The following DCDC2 variants were observed in gnomAD, a reference collection of about 807,000 sequenced individuals.
DCDC2 encodes the protein doublecortin domain containing 2.
Under a neutral mutation model 50.2 loss-of-function variants are expected in DCDC2, and 40 were observed. That is an observed-to-expected ratio of 0.80 (90% CI 0.62 to 1.04). DCDC2 has a LOEUF of 1.04. Ranked by LOEUF, DCDC2 falls within the 50% of genes least tolerant of loss-of-function variation. The pLI is 0.00. For synonymous variants in DCDC2, 234 were observed against 210.6 expected, an observed-to-expected ratio of 1.11 and a Z score of -0.96; for missense variants, 570 against 581.9, an observed-to-expected ratio of 0.98 and a Z score of 0.21.
At chr6:24,240,083 T>C (rs1762533546) in intron 7 of DCDC2, among the ~76,000 whole-genome samples, 1 of 152,212 alleles carries the variant, frequency 6.6e-6, no homozygotes, top group Non-Finnish European at 1.5e-5. Flanking sequence ...AAAATATATA[T>C]TAAACTCACA....
chr6:24,223,710 G>C (rs940764354), intron 7 of DCDC2, among the ~76,000 whole-genome samples: 1 of 152,174 alleles, frequency 6.6e-6, no homozygotes, highest in Non-Finnish European at 1.5e-5. Flanking sequence ...AATGGCATTG[G>C]ATAAGGATCA....
chr6:24,315,244 G>A lies in DCDC2; in HGVS notation c.349-13200C>T, dbSNP rs111976078. Among the ~76,000 whole-genome samples the A allele has an allele frequency of 2.5e-3, 375 of 150,638 alleles. 4 individuals carry two copies. The highest frequency in any genetic ancestry group is 8.0e-3 in the African/African-American group (326 of 40,962). The stretch of plus-strand genomic sequence containing the variant: ...ATGCATGTTTCTGTAGCTCCTTAGC[G>A]AAGCACTTACACCTTAAGGAACCTC... On this transcript the variant is annotated intron_variant, in intron 2 of 9. Transcript: ENST00000378454.
intron 2 of DCDC2, among the ~76,000 whole-genome samples, chr6:24,302,441 A>G (rs983641244): frequency 2.0e-5 from 3 of 151,966 alleles, no homozygotes; most frequent in African/African-American, 7.3e-5. Flanking sequence ...GTGTTCCATC[A>G]TCTTTCCTTT....
At chr6:24,359,868 T>C (rs1760634069), upstream of DCDC2, among the ~76,000 whole-genome samples, 1 of 151,964 alleles carries the variant, frequency 6.6e-6, no homozygotes, top group Non-Finnish European at 1.5e-5. Flanking sequence ...GCGGCGAAGC[T>C]CGGGTGCGCA....
chr6:24,360,497 A>G (rs1197513703), upstream of DCDC2, among the ~76,000 whole-genome samples: 1 of 152,208 alleles, frequency 6.6e-6, no homozygotes, highest in Non-Finnish European at 1.5e-5. Flanking sequence ...AAGAGCCCAC[A>G]TCTGTGCTAT....
chr6:24,208,002 A>G (rs890129539), intron 7 of DCDC2, among the ~76,000 whole-genome samples: 1 of 152,122 alleles, frequency 6.6e-6, no homozygotes, highest in Non-Finnish European at 1.5e-5. Flanking sequence ...AGTAACTTCA[A>G]CACCATGTGA....
intron 7 of DCDC2, among the ~76,000 whole-genome samples, chr6:24,231,398 A>C (rs1762333953): frequency 6.6e-6 from 1 of 152,142 alleles, no homozygotes; most frequent in Admixed American, 6.5e-5. Context: ...ACCCATGAAG[A>C]AGGAAAAGGT....
intron 9 of DCDC2, 44 bp downstream of exon 9, chr6:24,178,286 C>T (rs762042617): frequency 3.8e-6 from 6 of 1,558,868 alleles, no homozygotes; most frequent in South Asian, 3.5e-5. Context: ...TACACACACA[C>T]ATATTCATGC....
At chr6:24,340,294 G>A (rs1457242785) in intron 2 of DCDC2, among the ~76,000 whole-genome samples, 1 of 152,058 alleles carries the variant, frequency 6.6e-6, no homozygotes, top group Non-Finnish European at 1.5e-5. Flanking sequence ...AATAGGTGAG[G>A]AAAGTCAAAG....
chr6:24,377,616 C>A, the DCDC2 span, among the ~76,000 whole-genome samples: 4 of 152,284 alleles, frequency 2.6e-5, no homozygotes, highest in South Asian at 8.3e-4. Flanking sequence ...TAAGCTGTAT[C>A]ACCAATAGAA....
intron 7 of DCDC2, among the ~76,000 whole-genome samples, chr6:24,215,763 C>G (rs1761959662): frequency 6.6e-6 from 1 of 152,186 alleles, no homozygotes. Context: ...CAGCACCACT[C>G]CCGGCTGAGG....
chr6:24,200,331 C>G (rs1761556592), intron 8 of DCDC2, among the ~76,000 whole-genome samples: 1 of 152,164 alleles, frequency 6.6e-6, no homozygotes, highest in African/African-American at 2.4e-5. Flanking sequence ...ACCCTACAAG[C>G]CAGAAGAGTG....
chr6:24,333,101 T>G (rs1261923548), intron 2 of DCDC2, among the ~76,000 whole-genome samples: 1 of 152,054 alleles, frequency 6.6e-6, no homozygotes, highest in Non-Finnish European at 1.5e-5. Context: ...AAAAGAAGAA[T>G]GAGGGAGAAT....
intron 2 of DCDC2, among the ~76,000 whole-genome samples, chr6:24,317,796 TA>T (rs145124008): frequency 3.7e-4 from 55 of 147,266 alleles, no homozygotes; most frequent in South Asian, 8.5e-4. Flanking sequence ...TTTATACAAA[TA>T]AAAAAAAAAC....
chr6:24,276,569 A>G (rs1248151311), intron 7 of DCDC2, among the ~76,000 whole-genome samples: 2 of 152,110 alleles, frequency 1.3e-5, no homozygotes, highest in Non-Finnish European at 2.9e-5. Context: ...ATAAGAAAAA[A>G]CTAGTAGGAC....
At chr6:24,381,845 A>AGGAAGGAAGGAG in the DCDC2 span, among the ~76,000 whole-genome samples, 2 of 142,648 alleles carry the variant, frequency 1.4e-5, no homozygotes, top group East Asian at 4.0e-4. Flanking sequence ...GAAGGAAGGA[A>AGGAAGGAAGGAG]GGAAGGAAGG....
intron 7 of DCDC2, among the ~76,000 whole-genome samples, chr6:24,210,588 T>C (rs1434120584): frequency 6.6e-6 from 1 of 152,230 alleles, no homozygotes; most frequent in Non-Finnish European, 1.5e-5. Flanking sequence ...TATTTCTATC[T>C]CCACTCCCAA....
rs1246996420 is a variant in DCDC2, at chr6:24,220,891, TGAGC to T, written c.923-15793_923-15790del. 9.1e-5 allele frequency among the ~76,000 whole-genome samples: 9 copies of T among 98,948 alleles called. 1 individual carries two copies. Among genetic ancestry groups the T allele is most frequent in the African/African-American group, 2.7e-4 (7 of 25,864 alleles). The allele number at this position is 98,948 out of a possible 152,430, so 64.9% of individuals were successfully genotyped here. On this transcript the variant is annotated intron_variant, in intron 7 of 9. Transcript: ENST00000378454. ...GAGCAAGAGAGCGAGAGCGAGAGAGTGAGCGAGCGAGCGAGAGAGTGAGCGAGCG... is the reference window on the plus strand; with the variant it reads ...GAGCAAGAGAGCGAGAGCGAGAGAGTGAGCGAGCGAGAGAGTGAGCGAGCG...
intron 7 of DCDC2, among the ~76,000 whole-genome samples, chr6:24,275,550 A>C (rs759603226): frequency 2.2e-4 from 33 of 152,168 alleles, no homozygotes; most frequent in Non-Finnish European, 4.4e-4. Context: ...AGGAAAAAAA[A>C]ATTCATTCCC....
Sources: gnomAD v4.1 joint callset for allele counts (sites outside exome capture counted in the v4.1 genomes callset) on GRCh38, gnomAD v4.1.1 for gene constraint, MANE v1.5 for transcripts, NCBI Gene and HGNC (gene_info 2026-07-23, HGNC 2026-07-21) for gene names.